Variants in ATR observed in about 807,000 individuals in gnomAD.
ATR encodes the protein ATR checkpoint kinase.
Under a neutral mutation model 305.3 loss-of-function variants are expected in ATR, and 142 were observed. That is an observed-to-expected ratio of 0.47 (90% confidence interval 0.41 to 0.53). The LOEUF is 0.53. ATR is among the 20% of genes least tolerant of loss of function. The pLI is 0.00. For missense variants in ATR, 2,135 were observed against 3,133.1 expected, an observed-to-expected ratio of 0.68 and a Z score of 7.60; for synonymous variants, 1,050 against 1,068.1, an observed-to-expected ratio of 0.98 and a Z score of 0.33.
intron 31 of ATR, chr3:142,499,010 A>G: frequency 3.6e-6 from 2 of 550,936 alleles, no homozygotes; most frequent in Admixed American, 3.1e-5. Flanking sequence ...TCTCCTGAGT[A>G]GGTGAACAGG....
intron 19 of ATR, among the ~76,000 whole-genome samples, chr3:142,538,253 A>G (rs2108431448): frequency 1.3e-5 from 2 of 152,328 alleles, no homozygotes; most frequent in Non-Finnish European, 2.9e-5. Context: ...ATGAAAAGTA[A>G]TTTTTAACTG....
At chr3:142,538,657 A>C (rs1232850479) in intron 18 of ATR, 32 bp from the exon 19 acceptor site, 1 of 1,611,810 alleles carries the variant, frequency 6.2e-7, no homozygotes, top group Admixed American at 1.7e-5. Flanking sequence ...AATGAAGTCC[A>C]ATTACTTTTA....
chr3:142,500,594 C>T (rs987082527), intron 30 of ATR, among the ~76,000 whole-genome samples: 5 of 151,968 alleles, frequency 3.3e-5, no homozygotes, highest in African/African-American at 1.2e-4. Flanking sequence ...GAATCAATAT[C>T]CTCAAAAGTT....
intron 42 of ATR, 107 bp downstream of exon 42, chr3:142,461,833 T>C: frequency 8.0e-7 from 1 of 1,242,934 alleles, no homozygotes; most frequent in East Asian, 2.4e-5. Context: ...GAAATTTCAC[T>C]ATAGCTTATA....
intron 24 of ATR, among the ~76,000 whole-genome samples, chr3:142,517,004 T>C (rs1431000768): frequency 6.7e-6 from 1 of 148,534 alleles, no homozygotes; most frequent in Non-Finnish European, 1.5e-5. Context: ...TATATATATA[T>C]ATACATATTT....
At chr3:142,566,459 A>G (rs1282314973) in intron 2 of ATR, among the ~76,000 whole-genome samples, 198 bp from the exon 3 acceptor site, 1 of 152,016 alleles carries the variant, frequency 6.6e-6, no homozygotes, top group East Asian at 1.9e-4. Context: ...TCTCTACAAA[A>G]AAAATTTTTC....
intron 1 of ATR, among the ~76,000 whole-genome samples, chr3:142,571,303 T>C (rs906483291): frequency 5.3e-5 from 8 of 151,970 alleles, no homozygotes; most frequent in Non-Finnish European, 1.2e-4. Flanking sequence ...CCATCTCTGC[T>C]GAAAACACAA....
intron 35 of ATR, among the ~76,000 whole-genome samples, chr3:142,487,284 G>A (rs2031003018): frequency 6.6e-6 from 1 of 152,116 alleles, no homozygotes; most frequent in African/African-American, 2.4e-5. Context: ...CTAGAGGCAT[G>A]TACCACCACA....
intron 21 of ATR, among the ~76,000 whole-genome samples, chr3:142,528,875 A>ATTT (rs1390798686): frequency 6.7e-4 from 31 of 46,612 alleles, no homozygotes; most frequent in Non-Finnish European, 7.5e-4. Context: ...ATATATATAT[A>ATTT]TATATTTTTT....
chr3:142,499,987 G>C (rs1266875591), intron 30 of ATR: 2 of 327,134 alleles, frequency 6.1e-6, no homozygotes, highest in East Asian at 7.0e-5. Context: ...CCATATATTA[G>C]AGCAGAGTTA....
intron 45 of ATR, among the ~76,000 whole-genome samples, chr3:142,454,172 T>G (rs1449526124): frequency 6.6e-6 from 1 of 152,214 alleles, no homozygotes; most frequent in East Asian, 1.9e-4. Context: ...CCCTCTGGAA[T>G]ACATACTGTA....
Position 142,558,704 on chromosome 3 carries a change from T to A in ATR, c.1805A>T (p.His602Leu). ...CAACTTTAAACAGCCATCATCAGAA[T>A]GGGAATAAATCCATGGAAGTGAGAG... ...GMLSLPWIYSHSDDGCLKLTT... is the reference protein window; with the variant it reads ...GMLSLPWIYSLSDDGCLKLTT... The change falls in exon 8 of 47, where the codon CAT becomes CTT. Residue 602 changes from histidine to leucine, a missense_variant. By Grantham distance (99) the His-to-Leu change is moderately conservative. Transcript: ENST00000350721. 1 of 1,612,748 alleles carries A rather than the reference T, an allele frequency of 6.2e-7. No homozygotes were observed. Among genetic ancestry groups the A allele is most frequent in the Non-Finnish European group, 8.5e-7 (1 of 1,178,986 alleles).
chr3:142,566,102 C>T lies in ATR; in HGVS notation c.292+19G>A, dbSNP rs1329184487. 6.2e-7 allele frequency: 1 copy of T among 1,613,776 alleles called. No individual in the cohort carries two copies. Among genetic ancestry groups the T allele is most frequent in the South Asian group, 1.1e-5 (1 of 91,076 alleles). On this transcript the variant is annotated intron_variant, in intron 3 of 46. Transcript: ENST00000350721. ...TTATAGAACAGATGGCAAGTGAATG[C>T]ATGAATAACAGCACTTACCAATACA...
intron 46 of ATR, chr3:142,452,334 C>T: frequency 4.1e-6 from 4 of 986,378 alleles, no homozygotes; most frequent in Non-Finnish European, 4.8e-6. Flanking sequence ...TGTAAGAGTG[C>T]CCCCCACCAA....
rs192730358 is a variant in ATR at position 142,573,677 on chromosome 3, T to C, written c.59+4969A>G. Among the ~76,000 whole-genome samples the C allele has an allele frequency of 2.2e-4, 34 of 152,270 alleles. No homozygotes were observed. In the East Asian group the frequency reaches 6.4e-3, roughly 28 times the overall value. ...AAGAAAAGAAACAGGAAAAAAACAATTGATCCTAACAATATATCTGAAATA... is the reference window on the plus strand; with the variant it reads ...AAGAAAAGAAACAGGAAAAAAACAACTGATCCTAACAATATATCTGAAATA... On this transcript the variant is annotated intron_variant, in intron 1 of 46. Coordinates refer to ENST00000350721, the MANE Select transcript of ATR (RefSeq NM_001184.4).
chr3:142,558,248 C>G (rs994463295), intron 8 of ATR, among the ~76,000 whole-genome samples: 1 of 151,936 alleles, frequency 6.6e-6, no homozygotes, highest in Admixed American at 6.6e-5. Flanking sequence ...CAAGGCCAGG[C>G]ATGGTGGCTC....
intron 36 of ATR, among the ~76,000 whole-genome samples, chr3:142,472,761 C>A (rs578129739): frequency 6.6e-6 from 1 of 152,290 alleles, no homozygotes; most frequent in East Asian, 1.9e-4. Flanking sequence ...CCTCAGCCTC[C>A]TGAGCAGCTG....
At chr3:142,452,797 C>T (rs1357370922) in intron 46 of ATR, 1 of 1,156,482 alleles carries the variant, frequency 8.6e-7, no homozygotes, top group East Asian at 5.7e-5. Context: ...ATACTGGTAT[C>T]ATGATATTAA....
chr3:142,455,722 A>G (rs2070891049), intron 45 of ATR, among the ~76,000 whole-genome samples: 2 of 152,244 alleles, frequency 1.3e-5, no homozygotes, highest in South Asian at 4.1e-4. Flanking sequence ...CTTACACCAT[A>G]TCTACAAAAT....
Sources: allele counts gnomAD v4.1 joint callset (sites outside exome capture counted in the v4.1 genomes callset), GRCh38; gene constraint gnomAD v4.1.1; transcripts MANE v1.5; gene names NCBI Gene and HGNC (gene_info 2026-07-23, HGNC 2026-07-21).